MELK: variants seen among roughly 807,000 people sequenced by gnomAD.
The protein encoded by MELK is maternal embryonic leucine zipper kinase.
Under a neutral mutation model 85.0 loss-of-function variants are expected in MELK, and 81 were observed. The ratio of observed to expected loss-of-function variants is 0.95; its 90% confidence interval spans 0.80 to 1.15. MELK has a LOEUF of 1.15. Among genes scored for constraint, MELK ranks in the 50% most tolerant of loss-of-function variants. MELK has a pLI of 0.00. For missense variants in MELK, 754 were observed against 777.5 expected (o/e 0.97, Z 0.36); for synonymous variants, 252 against 265.0 (o/e 0.95, Z 0.48).
At chr9:36,666,853 TTGTGTGTGTGTGTGTG>T (rs5897643) in intron 14 of MELK, among the ~76,000 whole-genome samples, 3,184 of 130,810 alleles carry the variant, frequency 0.024, 57 homozygotes, top group African/African-American at 0.058. Context: ...ATGTCTGTGT[TTGTGTGTGTGTGTGTG>T]TGTGTGTGTG....
At chr9:36,592,973 C>G (rs1335070214) in intron 4 of MELK, among the ~76,000 whole-genome samples, 1 of 152,180 alleles carries the variant, frequency 6.6e-6, no homozygotes, top group African/African-American at 2.4e-5. Context: ...TTACCAGCAA[C>G]TGCTCATCTG....
intron 3 of MELK, among the ~76,000 whole-genome samples, chr9:36,588,802 T>C (rs1823224599): frequency 1.3e-5 from 2 of 152,150 alleles, no homozygotes; most frequent in Admixed American, 1.3e-4. Context: ...ATTTTGAAAG[T>C]TTCAAGACCT....
At chr9:36,642,193 C>T (rs761286211) in intron 10 of MELK, among the ~76,000 whole-genome samples, 2 of 152,086 alleles carry the variant, frequency 1.3e-5, no homozygotes, top group African/African-American at 2.4e-5. Flanking sequence ...AGCAAAATAA[C>T]GATCGTGTGG....
At chr9:36,606,625 A>C (rs926233548) in intron 7 of MELK, among the ~76,000 whole-genome samples, 1 of 147,368 alleles carries the variant, frequency 6.8e-6, no homozygotes, top group Non-Finnish European at 1.5e-5. Context: ...ATAGGTGTAT[A>C]TATGGACATA....
intron 12 of MELK, among the ~76,000 whole-genome samples, chr9:36,652,247 A>G (rs1025232963): frequency 2.7e-5 from 4 of 150,682 alleles, no homozygotes; most frequent in African/African-American, 9.7e-5. Context: ...GGGTTTTGCC[A>G]TGTTGGCCAG....
intron 2 of MELK, 88 bp downstream of exon 2, chr9:36,581,827 A>G: frequency 9.5e-7 from 1 of 1,047,554 alleles, no homozygotes; most frequent in South Asian, 1.5e-5. Context: ...TTTTCGTCTA[A>G]CCCACACAGT....
intron 5 of MELK, among the ~76,000 whole-genome samples, chr9:36,596,607 A>G (rs1315660313): frequency 9.0e-5 from 9 of 99,784 alleles, no homozygotes; most frequent in African/African-American, 4.0e-4. Context: ...TTTTTTTGAG[A>G]TGGAGTTTCG....
At chr9:36,585,640 T>G (rs893533405) in intron 3 of MELK, among the ~76,000 whole-genome samples, 1 of 151,940 alleles carries the variant, frequency 6.6e-6, no homozygotes, top group Non-Finnish European at 1.5e-5. Flanking sequence ...TTATCAAACA[T>G]AAAAAATAAT....
At chr9:36,634,292 G>GTCAT (rs1201250184) in intron 10 of MELK, among the ~76,000 whole-genome samples, 1 of 152,168 alleles carries the variant, frequency 6.6e-6, no homozygotes, top group East Asian at 1.9e-4. Context: ...CAACAAATAT[G>GTCAT]TCATTCTCCT....
intron 8 of MELK, among the ~76,000 whole-genome samples, chr9:36,609,110 G>A (rs1322744470): frequency 2.6e-5 from 4 of 152,138 alleles, no homozygotes; most frequent in Non-Finnish European, 5.9e-5. Context: ...GAGTAGATAA[G>A]TTGTTGCTTG....
At chr9:36,675,934 G>A (rs1439911573) in intron 17 of MELK, among the ~76,000 whole-genome samples, 1 of 152,186 alleles carries the variant, frequency 6.6e-6, no homozygotes, top group African/African-American at 2.4e-5. Context: ...ATCTGTAAAT[G>A]TTGGCAAGCA....
intron 8 of MELK, among the ~76,000 whole-genome samples, chr9:36,612,436 AGTGCAGTG>A (rs1446523681): frequency 6.6e-6 from 1 of 152,086 alleles, no homozygotes; most frequent in Admixed American, 6.6e-5. Context: ...CCCAGGCTGG[AGTGCAGTG>A]GCGCCATCTT....
intron 8 of MELK, among the ~76,000 whole-genome samples, chr9:36,609,377 T>G (rs1479620211): frequency 6.6e-6 from 1 of 151,810 alleles, no homozygotes; most frequent in African/African-American, 2.4e-5. Flanking sequence ...AAGAACATCT[T>G]GTGTTCCATA....
chr9:36,585,298 CTTTG>C (rs1822765814), intron 3 of MELK, among the ~76,000 whole-genome samples: 1 of 106,942 alleles, frequency 9.4e-6, no homozygotes, highest in Non-Finnish European at 1.9e-5. Context: ...TTCTACCATT[CTTTG>C]TTTTTTTTTT....
intron 16 of MELK, among the ~76,000 whole-genome samples, chr9:36,673,111 C>G (rs1003567195): frequency 1.3e-5 from 2 of 152,044 alleles, no homozygotes; most frequent in Non-Finnish European, 2.9e-5. Context: ...TATAAAAAAT[C>G]CAAAATTTAA....
At chr9:36,631,187 C>G (rs1828573994) in intron 9 of MELK, among the ~76,000 whole-genome samples, 1 of 152,040 alleles carries the variant, frequency 6.6e-6, no homozygotes, top group South Asian at 2.1e-4. Flanking sequence ...TGGTCTCGAA[C>G]TCCTGACCTC....
rs10608377 is a variant in MELK, at chr9:36,627,053, A to AACACACACACACACACACACACAC, written c.667-3233_667-3210dup. Among the ~76,000 whole-genome samples the AACACACACACACACACACACACAC allele has an allele frequency of 3.3e-4, 47 of 140,960 alleles. 1 individual carries two copies. In the South Asian group the frequency reaches 3.7e-3, roughly 11 times the overall value. 92.5% of individuals were successfully genotyped at this position (140,960 alleles called of 152,430 possible). ...GAAGACAAGGACAAGCACAAGCGCA[A>AACACACACACACACACACACACAC]ACACACACACACACACACACACACA... is the stretch of plus-strand genomic sequence containing the variant. On this transcript the variant is annotated intron_variant, in intron 8 of 17. Transcript: ENST00000298048.
At chr9:36,598,658 C>T (rs909799032) in intron 6 of MELK, among the ~76,000 whole-genome samples, 2 of 152,090 alleles carry the variant, frequency 1.3e-5, no homozygotes, top group Non-Finnish European at 2.9e-5. Flanking sequence ...GCTTTTTTCC[C>T]TCTAAGAAAA....
chr9:36,642,277 A>G (rs1340681843), intron 10 of MELK, among the ~76,000 whole-genome samples: 2 of 152,134 alleles, frequency 1.3e-5, no homozygotes, highest in East Asian at 1.9e-4. Flanking sequence ...CCTGTGCTCT[A>G]CAAGTTTGAA....
Sources: allele counts gnomAD v4.1 joint callset (sites outside exome capture counted in the v4.1 genomes callset), GRCh38; gene constraint gnomAD v4.1.1; transcripts MANE v1.5; gene names NCBI Gene and HGNC (gene_info 2026-07-23, HGNC 2026-07-21).